Variants in PNPLA7 observed in about 807,000 individuals in gnomAD.
PNPLA7 encodes the protein patatin like domain 7, lysophospholipase.
A neutral mutation model predicts 161.7 loss-of-function variants in PNPLA7; 153 were observed. The ratio of observed to expected loss-of-function variants is 0.95; its 90% CI spans 0.83 to 1.08. The LOEUF (loss-of-function observed/expected upper bound fraction) is 1.08. PNPLA7 is among the 50% of genes least tolerant of loss of function. The pLI is 0.00. For synonymous variants in PNPLA7, 809 were observed against 782.1 expected (o/e 1.03, Z -0.57); for missense variants, 1,739 against 1,856.6 (o/e 0.94, Z 1.16).
chr9:137,485,439 C>T (rs975378928), intron 20 of PNPLA7, among the ~76,000 whole-genome samples: 17 of 152,210 alleles, frequency 1.1e-4, no homozygotes, highest in African/African-American at 3.4e-4. Flanking sequence ...ACCAGACAAA[C>T]GCTGCAGGTG....
intron 33 of PNPLA7, 73 bp downstream of exon 33, chr9:137,461,463 G>A (rs928089700): frequency 1.4e-6 from 2 of 1,454,474 alleles, no homozygotes; most frequent in Non-Finnish European, 1.9e-6. Flanking sequence ...CTCTGGGGTG[G>A]GGGGGTTCAA....
chr9:137,547,798 G>A lies in PNPLA7; in HGVS notation c.31-139C>T, dbSNP rs1050760588. Reference sequence around the variant, plus strand: ...CTTCTGGGAAGAAGTGATCTCGCCCGGGGTGCCGGGGTCCTCTGAGCCCCC... The same window carrying A: ...CTTCTGGGAAGAAGTGATCTCGCCCAGGGTGCCGGGGTCCTCTGAGCCCCC... On this transcript the variant is annotated intron_variant, in intron 1 of 34. Coordinates refer to ENST00000406427, the MANE Select transcript of PNPLA7 (RefSeq NM_001098537.3). The surrounding 1 kb of genome is among the most constrained non-coding windows in gnomAD (Gnocchi z 4.6). 28 of 777,846 alleles carry A rather than the reference G, an allele frequency of 3.6e-5. No individual in the cohort carries two copies. The highest frequency in any genetic ancestry group is 9.9e-5 in the South Asian group (6 of 60,654). 48.2% of individuals were successfully genotyped at this position (777,846 alleles called of 1,614,324 possible).
intron 12 of PNPLA7, among the ~76,000 whole-genome samples, chr9:137,508,440 G>A (rs867098232): frequency 8.6e-5 from 13 of 151,974 alleles, no homozygotes; most frequent in South Asian, 6.2e-4. Context: ...GGTGGTGGGC[G>A]CCTGTAATTA....
rs895065274 is a variant in PNPLA7, at chr9:137,467,289, C to T, written c.3039+28G>A. ...CCAGCAAGGACCTGGGGGCTGTGCT[C>T]CGGTGAGGGTGATGGGTGCCTGCTT... On this transcript the variant is annotated intron_variant, in intron 26 of 34. Transcript: ENST00000406427. The surrounding 1 kb of genome is among the most constrained non-coding windows in gnomAD (Gnocchi z 5.1). 5.6e-6 allele frequency: 9 copies of T among 1,595,662 alleles called. No individual in the cohort carries two copies. The highest frequency in any genetic ancestry group is 5.4e-5 in the African/African-American group (4 of 74,554).
In PNPLA7 at chr9:137,542,813, A is replaced by G; in HGVS notation, c.507-12T>C. On this transcript the variant is annotated splice_polypyrimidine_tract_variant and intron_variant, in intron 6 of 34. Coordinates refer to ENST00000406427, the MANE Select transcript of PNPLA7 (RefSeq NM_001098537.3). ...AGTGGCCCAGGACCCTGCAAGAGCC[A>G]GAGGGCACTGTGGGACGCCCTTCCA... 6.2e-7 allele frequency: 1 copy of G among 1,605,528 alleles called. No individual in the cohort carries two copies. Among genetic ancestry groups the G allele is most frequent in the Non-Finnish European group, 8.5e-7 (1 of 1,173,618 alleles).
At chr9:137,469,778 G>A (rs1453109717) in intron 25 of PNPLA7, among the ~76,000 whole-genome samples, 7 of 152,288 alleles carry the variant, frequency 4.6e-5, no homozygotes, top group African/African-American at 7.2e-5. Context: ...CCAATTCGAC[G>A]GACAGCCCGG....
Position 137,542,788 on chromosome 9 carries a change from A to C in PNPLA7, c.520T>G (p.Phe174Val). The change falls in exon 7 of 35, where the codon TTT becomes GTT. Residue 174 changes from phenylalanine to valine, a missense_variant. Around this residue, in one of 6 missense-constraint regions of PNPLA7, gnomAD observed 209 missense variants for 252.8 expected, o/e 0.83. Coordinates refer to ENST00000406427, the MANE Select transcript of PNPLA7 (RefSeq NM_001098537.3). The stretch of plus-strand genomic sequence containing the variant: ...AGCTCCAGGAACAGCGGCTTCTCAA[A>C]GTGGCCCAGGACCCTGCAAGAGCCA... ...MLKNVRVLGH[F>V]EKPLFLELCK... The C allele has an allele frequency of 6.2e-7, 1 of 1,613,400 alleles. No homozygotes were observed. The highest frequency in any genetic ancestry group is 8.5e-7 in the Non-Finnish European group (1 of 1,179,718).
Position 137,498,144 on chromosome 9 carries a change from A to C in PNPLA7, c.1859T>G (p.Val620Gly), listed in dbSNP as rs1361745942. The stretch of plus-strand genomic sequence containing the variant: ...TATTGCTCGCCCGGCCTCCACCTCC[A>C]CCCAGTCCAGGGCAAAGTCGATTTG... ...VRQIDFALDW[V>G]EVEAGRAIYR... The change falls in exon 17 of 35, where the codon GTG (valine) becomes GGG (glycine). Residue 620 changes from valine (V) to glycine (G), a missense_variant. Physicochemically the swap from Val to Gly is moderately radical, Grantham distance 109. This residue lies in a region of PNPLA7 where 481 missense variants were observed against 450.0 expected (regional missense o/e 1.07). Coordinates refer to ENST00000406427, the MANE Select transcript of PNPLA7 (RefSeq NM_001098537.3). 6.2e-7 allele frequency: 1 copy of C among 1,612,798 alleles called. No homozygotes were observed. Among genetic ancestry groups the C allele is most frequent in the Non-Finnish European group, 8.5e-7 (1 of 1,179,948 alleles).
At chr9:137,502,676 C>CAGGAGATGAGGGGGATGT (rs1833514074) in intron 14 of PNPLA7, among the ~76,000 whole-genome samples, 1 of 2,610 alleles carries the variant, frequency 3.8e-4, no homozygotes, top group Admixed American at 5.2e-3. Context: ...TCAGAGCCTT[C>CAGGAGATGAGGGGGATGT]GGGAGATGAG....
intron 24 of PNPLA7, 28 bp from the exon 25 acceptor site, chr9:137,478,180 G>T: frequency 7.9e-7 from 1 of 1,273,204 alleles, no homozygotes; most frequent in South Asian, 2.9e-5. Context: ...AGGCAGGGCT[G>T]GTGCAGGGCC....
chr9:137,471,644 T>C (rs1831712826), intron 25 of PNPLA7, among the ~76,000 whole-genome samples: 1 of 150,438 alleles, frequency 6.6e-6, no homozygotes, highest in Non-Finnish European at 1.5e-5. Context: ...TTTAAAAGCC[T>C]GTAAAACCCT....
rs769489042 is a variant in PNPLA7 at position 137,550,146 on chromosome 9, T to A, written c.30+22A>T. 1.8e-5 allele frequency: 29 copies of A among 1,612,666 alleles called. No individual in the cohort carries two copies. In the South Asian group the frequency reaches 3.1e-4, roughly 17 times the overall value. On this transcript the variant is annotated intron_variant, in intron 1 of 34. Transcript: ENST00000406427. ...GCCCCCCAACTGGGAAATCCAGGCA[T>A]CTGGTCCCCCGAGTTACATACCTGT...
chr9:137,506,679 C>T (rs893023896), intron 12 of PNPLA7, among the ~76,000 whole-genome samples: 8 of 152,200 alleles, frequency 5.3e-5, no homozygotes, highest in Non-Finnish European at 7.3e-5. Context: ...TGGGCGGCCT[C>T]GGGCTGAGCG....
intron 4 of PNPLA7, among the ~76,000 whole-genome samples, 174 bp downstream of exon 4, chr9:137,546,656 C>A (rs1836543903): frequency 6.6e-6 from 1 of 152,150 alleles, no homozygotes; most frequent in African/African-American, 2.4e-5. Flanking sequence ...CCATTCGGCA[C>A]AATTTATAAT....
At chr9:137,475,010 C>CAAAAAAAAAAAAAAAAA (rs58417100) in intron 25 of PNPLA7, among the ~76,000 whole-genome samples, 8 of 63,618 alleles carry the variant, frequency 1.3e-4, no homozygotes, top group African/African-American at 5.5e-4. Flanking sequence ...GACTCTGCCT[C>CAAAAAAAAAAAAAAAAA]AAAAAAAAAA....
chr9:137,468,674 G>A lies in PNPLA7; in HGVS notation c.2883-1201C>T, dbSNP rs1175336803. Among the ~76,000 whole-genome samples the A allele has an allele frequency of 2.6e-5, 4 of 152,098 alleles. No homozygotes were observed. The highest frequency in any genetic ancestry group is 2.1e-4 in the South Asian group (1 of 4,810). ...GGGGGCAGATTTGAGGTGGGAAGAC[G>A]TCAAAGGCTACACTGAGCTGACGTC... is the stretch of plus-strand genomic sequence containing the variant. On this transcript the variant is annotated intron_variant, in intron 25 of 34. Transcript: ENST00000406427. The surrounding 1 kb of genome is among the most constrained non-coding windows in gnomAD (Gnocchi z 4.0).
intron 1 of PNPLA7, 62 bp downstream of exon 1, chr9:137,550,106 T>C (rs1197440399): frequency 1.6e-5 from 26 of 1,596,074 alleles, no homozygotes; most frequent in Non-Finnish European, 1.9e-5. Flanking sequence ...AGGACCCTTC[T>C]CTGGGTCCAG....
intron 18 of PNPLA7, among the ~76,000 whole-genome samples, chr9:137,495,953 T>C (rs1174566392): frequency 6.6e-6 from 1 of 152,122 alleles, no homozygotes; most frequent in Non-Finnish European, 1.5e-5. Context: ...CCTTCGGCCC[T>C]GGCAGAGCTG....
At chr9:137,505,895 C>A (rs1833891902) in intron 13 of PNPLA7, 88 bp downstream of exon 13, 3 of 1,534,766 alleles carry the variant, frequency 2.0e-6, no homozygotes, top group Non-Finnish European at 2.7e-6. Flanking sequence ...CCACATGACA[C>A]CAAAGCCGGC....
Sources: allele counts gnomAD v4.1 joint callset (sites outside exome capture counted in the v4.1 genomes callset), GRCh38; gene constraint gnomAD v4.1.1; regional missense constraint gnomAD v4.1.1; non-coding constraint Gnocchi (gnomAD v3.1); transcripts MANE v1.5; gene names NCBI Gene and HGNC (gene_info 2026-07-23, HGNC 2026-07-21).